The following DMD variants were observed in gnomAD, a reference collection of about 807,000 sequenced individuals.
DMD encodes the protein mutant dystrophin.
Under a neutral mutation model 330.1 loss-of-function variants are expected in DMD, and 63 were observed. The ratio of observed to expected loss-of-function variants is 0.19; its 90% CI spans 0.16 to 0.24. The LOEUF (loss-of-function observed/expected upper bound fraction) is 0.24, where lower values mean the gene tolerates loss of function less well. Among genes scored for constraint, DMD ranks in the 10% least tolerant of loss-of-function variants. The pLI is 1.00. For missense variants in DMD, 3,344 were observed against 2,684.1 expected, an observed-to-expected ratio of 1.25 and a Z score of -5.43; for synonymous variants, 1,223 against 959.8, an observed-to-expected ratio of 1.27 and a Z score of -5.07.
At chrX:33,153,355 G>T in intron 1 of DMD, among the ~76,000 whole-genome samples, 1 of 112,801 alleles carries the variant, frequency 8.9e-6, no homozygotes, top group Non-Finnish European at 1.9e-5. Context: ...AGGTTGCGGA[G>T]AGCCGAGATC....
At chrX:32,313,221 C>A (rs1203725520) in intron 41 of DMD, among the ~76,000 whole-genome samples, 1 of 110,460 alleles carries the variant, frequency 9.1e-6, no homozygotes, top group Non-Finnish European at 1.9e-5. Flanking sequence ...AGGCTTCATC[C>A]CTGGGATGCA....
chrX:31,398,276 T>G (rs1382131723), intron 60 of DMD, among the ~76,000 whole-genome samples: 1 of 112,044 alleles, frequency 8.9e-6, no homozygotes, highest in East Asian at 2.8e-4. Context: ...GCCACTAAAA[T>G]GGACTGGCTC....
chrX:31,267,539 G>A (rs369767537), intron 62 of DMD, among the ~76,000 whole-genome samples: 1 of 112,058 alleles, frequency 8.9e-6, no homozygotes, highest in East Asian at 2.8e-4. Flanking sequence ...AAAATTCCCT[G>A]GGCCCGGCCC....
At chrX:32,596,791 C>A (rs2055601824) in intron 12 of DMD, among the ~76,000 whole-genome samples, 1 of 110,775 alleles carries the variant, frequency 9.0e-6, no homozygotes, top group Admixed American at 9.7e-5. Context: ...AGGTAATCTA[C>A]CCACCTCAGC....
intron 2 of DMD, among the ~76,000 whole-genome samples, chrX:32,899,673 C>CAAA (rs755390925): frequency 1.9e-4 from 8 of 42,658 alleles, no homozygotes; most frequent in African/African-American, 5.1e-4. Context: ...GACTCCGTCT[C>CAAA]AAAAAAAAAA....
At chrX:31,799,719 A>T (rs184917235) in intron 50 of DMD, among the ~76,000 whole-genome samples, 28 of 112,187 alleles carry the variant, frequency 2.5e-4, no homozygotes, top group African/African-American at 8.8e-4. Context: ...GTTTCATCTA[A>T]GGCAAAGCAA....
chrX:32,902,628 T>G (rs962768928), intron 2 of DMD, among the ~76,000 whole-genome samples: 1 of 110,431 alleles, frequency 9.1e-6, no homozygotes, highest in Non-Finnish European at 1.9e-5. Flanking sequence ...GAAGCCATCT[T>G]TAGTATGCAT....
rs148223821 is a variant in DMD at position 32,541,356 on chromosome X, A to G, written c.2168+3803T>C. ...CCCACCACAATCTTCCTCCATCTTCATCATCTCTATGGTCTCCACCACCAA... is the reference window on the plus strand; with the variant it reads ...CCCACCACAATCTTCCTCCATCTTCGTCATCTCTATGGTCTCCACCACCAA... On this transcript the variant is annotated intron_variant, in intron 17 of 78. Coordinates refer to ENST00000357033, the MANE Select transcript of DMD (RefSeq NM_004006.3). Among the ~76,000 whole-genome samples the G allele has an allele frequency of 5.4e-5, 6 of 111,419 alleles. No individual in the cohort carries two copies. In the East Asian group the frequency reaches 1.4e-3, roughly 26 times the overall value.
intron 45 of DMD, among the ~76,000 whole-genome samples, chrX:31,959,958 C>T (rs2095286445): frequency 9.2e-6 from 1 of 108,815 alleles, no homozygotes; most frequent in African/African-American, 3.4e-5. Flanking sequence ...GTGGTTTCGC[C>T]ATGTTGGCCA....
chrX:33,016,034 C>T lies in DMD; in HGVS notation c.93+4105G>A, dbSNP rs781352941. Among the ~76,000 whole-genome samples the T allele has an allele frequency of 1.5e-4, 16 of 110,213 alleles. No individual in the cohort carries two copies. The East Asian group carries it at 4.3e-3, about 30-fold the overall frequency. ...AACAAAAGCCCACCAAGAGTTTTGCCCAGGCCTTTCCTGGGCCTTGAAGCA... is the reference window on the plus strand; with the variant it reads ...AACAAAAGCCCACCAAGAGTTTTGCTCAGGCCTTTCCTGGGCCTTGAAGCA... On this transcript the variant is annotated intron_variant, in intron 2 of 78. Coordinates refer to ENST00000357033, the MANE Select transcript of DMD (RefSeq NM_004006.3).
intron 1 of DMD, among the ~76,000 whole-genome samples, chrX:33,024,695 A>G (rs1426811908): frequency 8.9e-6 from 1 of 111,757 alleles, no homozygotes; most frequent in African/African-American, 3.2e-5. Flanking sequence ...TGTGGGATAT[A>G]TTAAATTGCA....
intron 7 of DMD, among the ~76,000 whole-genome samples, chrX:32,700,108 T>C (rs1569470109): frequency 8.9e-6 from 1 of 111,870 alleles, no homozygotes; most frequent in African/African-American, 3.2e-5. Context: ...AAAATTTACT[T>C]ACTGCACTCA....
intron 2 of DMD, among the ~76,000 whole-genome samples, chrX:32,887,770 A>AAAAAAAAACAAC (rs1383701636): frequency 1.4e-5 from 1 of 70,337 alleles, no homozygotes; most frequent in Non-Finnish European, 2.9e-5. Context: ...AAAAAAAAAA[A>AAAAAAAAACAAC]AAAAAACATC....
At chrX:31,901,922 A>T (rs2149815807) in intron 47 of DMD, among the ~76,000 whole-genome samples, 1 of 106,849 alleles carries the variant, frequency 9.4e-6, no homozygotes, top group Non-Finnish European at 2.0e-5. Context: ...CATATGCATT[A>T]CCCCACATTC....
At chrX:33,090,725 A>G (rs1248452361) in intron 1 of DMD, among the ~76,000 whole-genome samples, 2 of 110,822 alleles carry the variant, frequency 1.8e-5, no homozygotes, top group Non-Finnish European at 3.8e-5. Context: ...TAAACATCAT[A>G]CATATACTGT....
intron 44 of DMD, among the ~76,000 whole-genome samples, chrX:32,149,321 C>T (rs901081737): frequency 9.0e-6 from 1 of 111,461 alleles, no homozygotes; most frequent in Non-Finnish European, 1.9e-5. Context: ...ATATTATGCA[C>T]CGAAAATGAA....
In DMD at chrX:31,478,392, C is replaced by A. The variant is rs2067984011; in HGVS notation, c.8669-18G>T. ...AGGCAGCTCTAAATTGGCAATATGA[C>A]AAGGTTTTAGGCCACATTCTTTTTT... On this transcript the variant is annotated intron_variant, in intron 58 of 78. Coordinates refer to ENST00000357033, the MANE Select transcript of DMD (RefSeq NM_004006.3). The A allele has an allele frequency of 8.3e-7, 1 of 1,209,242 alleles. No individual in the cohort carries two copies. Among genetic ancestry groups the A allele is most frequent in the Admixed American group, 2.2e-5 (1 of 45,671 alleles).
At chrX:31,817,238 T>G (rs866398257) in intron 50 of DMD, among the ~76,000 whole-genome samples, 1 of 112,487 alleles carries the variant, frequency 8.9e-6, no homozygotes. Context: ...TAATGAATTA[T>G]AAATTCTATT....
chrX:32,664,898 C>A (rs2061207078), intron 9 of DMD, among the ~76,000 whole-genome samples: 3 of 111,081 alleles, frequency 2.7e-5, no homozygotes, highest in African/African-American at 9.9e-5. Flanking sequence ...TGGTTACTGT[C>A]ATATCAGGAA....
Sources: gnomAD v4.1 joint callset for allele counts (sites outside exome capture counted in the v4.1 genomes callset) on GRCh38, gnomAD v4.1.1 for gene constraint, MANE v1.5 for transcripts, NCBI Gene and HGNC (gene_info 2026-07-23, HGNC 2026-07-21) for gene names.